The following ZMYM4 variants were observed in gnomAD, a reference collection of about 807,000 sequenced individuals.
ZMYM4 encodes zinc finger MYM-type containing 4.
A neutral mutation model predicts 183.2 loss-of-function variants in ZMYM4; 31 were observed. The ratio of observed to expected loss-of-function variants is 0.17; its 90% CI spans 0.13 to 0.23. The LOEUF (loss-of-function observed/expected upper bound fraction) is 0.23, where lower values mean the gene tolerates loss of function less well. Ranked by LOEUF, ZMYM4 falls within the 10% of genes least tolerant of loss-of-function variation. ZMYM4 has a pLI of 1.00. For missense variants in ZMYM4, 1,273 were observed against 1,840.3 expected, an observed-to-expected ratio of 0.69 and a Z score of 5.64; for synonymous variants, 592 against 631.2, an observed-to-expected ratio of 0.94 and a Z score of 0.93.
chr1:35,317,745 A>G (rs1400565751), intron 1 of ZMYM4, among the ~76,000 whole-genome samples: 1 of 152,128 alleles, frequency 6.6e-6, no homozygotes, highest in Non-Finnish European at 1.5e-5. Flanking sequence ...TGTGATCATC[A>G]GCTATTTAAC....
chr1:35,373,772 T>C (rs1644271475), intron 7 of ZMYM4, among the ~76,000 whole-genome samples: 1 of 148,408 alleles, frequency 6.7e-6, no homozygotes, highest in Non-Finnish European at 1.5e-5. Context: ...CTCCTGACCT[T>C]GTGATCCACC....
At chr1:35,304,715 C>T (rs979344223) in intron 1 of ZMYM4, among the ~76,000 whole-genome samples, 5 of 151,860 alleles carry the variant, frequency 3.3e-5, no homozygotes, top group Non-Finnish European at 7.4e-5. Flanking sequence ...GCAATCTTCC[C>T]ACCTTGGCCT....
chr1:35,351,514 C>G, intron 2 of ZMYM4: 6 of 1,403,908 alleles, frequency 4.3e-6, no homozygotes, highest in Non-Finnish European at 5.9e-6. Flanking sequence ...AGAGGTGGAA[C>G]CATCCCAAAA....
intron 2 of ZMYM4, among the ~76,000 whole-genome samples, chr1:35,326,312 T>G (rs1295817551): frequency 1.3e-5 from 2 of 152,118 alleles, no homozygotes; most frequent in Admixed American, 6.6e-5. Flanking sequence ...CAAGAAAGAT[T>G]AATAAAAACA....
intron 15 of ZMYM4, among the ~76,000 whole-genome samples, chr1:35,391,767 G>T (rs1252848077): frequency 6.6e-6 from 1 of 152,194 alleles, no homozygotes; most frequent in East Asian, 1.9e-4. Flanking sequence ...GAAAACCAGG[G>T]TATGGTGGCT....
At chr1:35,273,574 A>T (rs1183986620) in intron 1 of ZMYM4, among the ~76,000 whole-genome samples, 1 of 152,190 alleles carries the variant, frequency 6.6e-6, no homozygotes, top group Non-Finnish European at 1.5e-5. Context: ...TCATTTTCAT[A>T]CTTAAAATTC....
chr1:35,296,682 T>C (rs1641028441), intron 1 of ZMYM4, among the ~76,000 whole-genome samples: 1 of 152,076 alleles, frequency 6.6e-6, no homozygotes, highest in African/African-American at 2.4e-5. Context: ...TATCACATGA[T>C]TTTCCAGCAA....
intron 1 of ZMYM4, among the ~76,000 whole-genome samples, chr1:35,285,341 T>C (rs1348241750): frequency 1.3e-5 from 2 of 152,220 alleles, no homozygotes; most frequent in African/African-American, 4.8e-5. Context: ...TGGTCTTCTT[T>C]TATTTCTTTC....
At chr1:35,326,523 T>C (rs1449277293) in intron 2 of ZMYM4, among the ~76,000 whole-genome samples, 1 of 152,210 alleles carries the variant, frequency 6.6e-6, no homozygotes, top group Non-Finnish European at 1.5e-5. Flanking sequence ...CTGTGCTGAT[T>C]ATATATTTTA....
rs1218747398 is a variant in ZMYM4 at position 35,397,383 on chromosome 1, G to C, written c.3037G>C (p.Val1013Leu). The C allele has an allele frequency of 3.1e-6, 5 of 1,598,606 alleles. No individual in the cohort carries two copies. In the African/African-American group the frequency reaches 4.0e-5, roughly 13 times the overall value. ...VPFGIPVPMP[V>L]PMLIPSSMDS... ...TCTATCCTTGGTCTTTCAGATGCCT[G>C]TCCCTATGCTTATTCCATCTTCAAT... The change falls in exon 20 of 30, where the codon GTC becomes CTC. Residue 1013 changes from valine to leucine, a missense_variant. By Grantham distance (32) the Val-to-Leu change is conservative. Around this residue, in one of 6 missense-constraint regions of ZMYM4, gnomAD observed 290 missense variants for 353.3 expected, o/e 0.82. Transcript: ENST00000314607.
Position 35,385,602 on chromosome 1 carries a change from G to T in ZMYM4, c.1720+10G>T. On this transcript the variant is annotated intron_variant, in intron 10 of 29. Coordinates refer to ENST00000314607, the MANE Select transcript of ZMYM4 (RefSeq NM_005095.3). ...ATGGTTACTTCTGCAGGTAATATTG[G>T]TTTCACAAACTATGAAATGCAATGG... 1 of 1,572,462 alleles carries T rather than the reference G, an allele frequency of 6.4e-7. No individual in the cohort carries two copies. The highest frequency in any genetic ancestry group is 8.6e-7 in the Non-Finnish European group (1 of 1,164,922).
chr1:35,380,441 C>T (rs1042538740), intron 7 of ZMYM4, among the ~76,000 whole-genome samples: 10 of 152,134 alleles, frequency 6.6e-5, no homozygotes, highest in African/African-American at 2.4e-4. Flanking sequence ...CATCCTCCTG[C>T]CTCAACCTCC....
rs553316432 is a variant in ZMYM4 at position 35,389,734 on chromosome 1, G to A, written c.2437-214G>A. On this transcript the variant is annotated intron_variant, in intron 14 of 29. Coordinates refer to ENST00000314607, the MANE Select transcript of ZMYM4 (RefSeq NM_005095.3). The surrounding 1 kb of genome is among the most constrained non-coding windows in gnomAD (Gnocchi z 4.0). Reference sequence around the variant, plus strand: ...CACGCCACTGCACTCCAGCCTGGGCGATAGAGCAAGGCTCTGTCTCAAAAA... The same window carrying A: ...CACGCCACTGCACTCCAGCCTGGGCAATAGAGCAAGGCTCTGTCTCAAAAA... Among the ~76,000 whole-genome samples, 3 of 148,852 alleles carry A rather than the reference G, an allele frequency of 2.0e-5. No individual in the cohort carries two copies. The highest frequency in any genetic ancestry group is 2.1e-4 in the South Asian group (1 of 4,722).
chr1:35,361,446 AT>A (rs2148910353), intron 4 of ZMYM4, among the ~76,000 whole-genome samples, 172 bp from the exon 5 acceptor site: 1 of 151,964 alleles, frequency 6.6e-6, no homozygotes, highest in South Asian at 2.1e-4. Context: ...CTTTATTTGT[AT>A]TTGGTATTTG....
chr1:35,324,675 G>A (rs1450477542), intron 1 of ZMYM4, among the ~76,000 whole-genome samples: 2 of 152,196 alleles, frequency 1.3e-5, no homozygotes, highest in Non-Finnish European at 2.9e-5. Flanking sequence ...GGTTTATCAA[G>A]AAGCAGCATT....
intron 1 of ZMYM4, chr1:35,292,507 G>GT (rs970088665): frequency 8.6e-5 from 13 of 151,942 alleles, no homozygotes; most frequent in African/African-American, 1.7e-4. Context: ...GCGGTTAGTT[G>GT]TTTTTTTTGA....
rs144920503 is a variant in ZMYM4 at position 35,289,289 on chromosome 1, G to A, written c.39+20204G>A. On this transcript the variant is annotated intron_variant, in intron 1 of 29. Coordinates refer to ENST00000314607, the MANE Select transcript of ZMYM4 (RefSeq NM_005095.3). ...TGGGAAACAGAGGGTCAGTTAGGAA[G>A]CTATTGGTATAATTCAGGTATGAAA... Among the ~76,000 whole-genome samples the A allele has an allele frequency of 2.4e-3, 364 of 152,304 alleles. 2 individuals carry two copies. Among genetic ancestry groups the A allele is most frequent in the African/African-American group, 7.8e-3 (323 of 41,570 alleles).
intron 1 of ZMYM4, among the ~76,000 whole-genome samples, chr1:35,288,651 GTATT>G (rs1640617955): frequency 6.6e-6 from 1 of 152,142 alleles, no homozygotes; most frequent in African/African-American, 2.4e-5. Flanking sequence ...AAATATGTAT[GTATT>G]TATATATGTA....
Position 35,370,502 on chromosome 1 carries a change from A to G in ZMYM4, c.1056A>G (p.Gln352=). The stretch of plus-strand genomic sequence containing the variant: ...GTAAAAAAATCCTCCAGAAGGGGCA[A>G]ACTGCTTATCAGAGGAAAGGGTCTA... The part of the protein sequence containing the change: ...SGCKKILQKG[Q]TAYQRKGSTQ... Residue 352 remains glutamine (Q), a synonymous_variant, in exon 7 of 30, where the codon CAA becomes CAG. Transcript: ENST00000314607. 1 of 1,613,714 alleles carries G rather than the reference A, an allele frequency of 6.2e-7. No individual in the cohort carries two copies. The highest frequency in any genetic ancestry group is 8.5e-7 in the Non-Finnish European group (1 of 1,179,926).
Sources: gnomAD v4.1 joint callset for allele counts (sites outside exome capture counted in the v4.1 genomes callset) on GRCh38, gnomAD v4.1.1 for gene constraint, gnomAD v4.1.1 regional missense constraint, Gnocchi (gnomAD v3.1) non-coding constraint, MANE v1.5 for transcripts, NCBI Gene and HGNC (gene_info 2026-07-23, HGNC 2026-07-21) for gene names.